The following ARHGEF28 variants were observed in gnomAD, a reference collection of about 807,000 sequenced individuals.
ARHGEF28 encodes Rho guanine nucleotide exchange factor 28, also known as 190 kDa guanine nucleotide exchange factor.
Under a neutral mutation model 206.6 loss-of-function variants are expected in ARHGEF28, and 152 were observed. That is an observed-to-expected ratio of 0.74 (90% CI 0.64 to 0.84). The LOEUF (loss-of-function observed/expected upper bound fraction) is 0.84, where lower values mean the gene tolerates loss of function less well. Among genes scored for constraint, ARHGEF28 ranks in the 40% least tolerant of loss-of-function variants. The pLI, the probability that ARHGEF28 is intolerant of heterozygous loss-of-function variation, is 0.00. For missense variants in ARHGEF28, 2,028 were observed against 2,073.2 expected (o/e 0.98, Z 0.42); for synonymous variants, 763 against 776.4 (o/e 0.98, Z 0.29).
intron 2 of ARHGEF28, among the ~76,000 whole-genome samples, chr5:73,706,493 T>G (rs1748942704): frequency 6.6e-6 from 1 of 152,190 alleles, no homozygotes; most frequent in Non-Finnish European, 1.5e-5. Flanking sequence ...ACAATTAGTT[T>G]GTTTTCTCAC....
intron 1 of ARHGEF28, among the ~76,000 whole-genome samples, chr5:73,628,231 T>C (rs573770241): frequency 6.6e-6 from 1 of 152,278 alleles, no homozygotes; most frequent in East Asian, 1.9e-4. Context: ...CCTCCTTTAG[T>C]ATGCCCCGTG....
intron 4 of ARHGEF28, among the ~76,000 whole-genome samples, chr5:73,766,900 G>T (rs576210856): frequency 6.6e-6 from 1 of 152,292 alleles, no homozygotes; most frequent in South Asian, 2.1e-4. Context: ...TGGTTTGGCT[G>T]TGTCCCCACC....
intron 22 of ARHGEF28, among the ~76,000 whole-genome samples, chr5:73,877,996 G>T (rs1011443890): frequency 3.3e-5 from 5 of 152,114 alleles, no homozygotes; most frequent in Non-Finnish European, 7.4e-5. Flanking sequence ...TTTCTGTCTG[G>T]TTGATCTGTC....
chr5:73,924,940 A>G (rs528334435), intron 35 of ARHGEF28, among the ~76,000 whole-genome samples: 1 of 152,336 alleles, frequency 6.6e-6, no homozygotes, highest in East Asian at 1.9e-4. Context: ...AACTCACTGC[A>G]TGCGGCATAC....
intron 3 of ARHGEF28, among the ~76,000 whole-genome samples, chr5:73,752,506 G>T (rs1752070872): frequency 6.6e-6 from 1 of 152,150 alleles, no homozygotes; most frequent in African/African-American, 2.4e-5. Flanking sequence ...TAAACTTATT[G>T]CTTAAATATG....
At chr5:73,840,434 A>G (rs536772228) in intron 10 of ARHGEF28, 46 bp from the exon 11 acceptor site, 8 of 1,584,740 alleles carry the variant, frequency 5.0e-6, no homozygotes, top group East Asian at 4.5e-5. Flanking sequence ...AGCTAGGCCA[A>G]TCTTACCTGC....
intron 23 of ARHGEF28, among the ~76,000 whole-genome samples, chr5:73,883,537 A>G (rs1761084564): frequency 6.6e-6 from 1 of 152,204 alleles, no homozygotes; most frequent in South Asian, 2.1e-4. Context: ...GAAATTAACT[A>G]CAAATACATC....
Position 73,776,522 on chromosome 5 carries a change from G to C in ARHGEF28, c.666G>C (p.Gln222His). The change falls in exon 6 of 36, where the codon CAG becomes CAC. Residue 222 changes from glutamine (Q) to histidine (H), a missense_variant. Around this residue, in one of 3 missense-constraint regions of ARHGEF28, gnomAD observed 1,002 missense variants for 1,015.3 expected, o/e 0.99. Transcript: ENST00000513042. ...SKLVEDVTNFQGRWSPSFSRV... is the reference protein window; with the variant it reads ...SKLVEDVTNFHGRWSPSFSRV... ...TTGATTTGTGTTGTTTCAGTTTTCA[G>C]GGCAGATGGTCCCCAAGCTTCTCCC... 1 of 1,610,294 alleles carries C rather than the reference G, an allele frequency of 6.2e-7. No homozygotes were observed. The highest frequency in any genetic ancestry group is 8.5e-7 in the Non-Finnish European group (1 of 1,177,634).
chr5:73,886,696 G>A (rs367790262), intron 25 of ARHGEF28, among the ~76,000 whole-genome samples: 2 of 152,106 alleles, frequency 1.3e-5, no homozygotes, highest in South Asian at 4.1e-4. Flanking sequence ...CCTAATCCAG[G>A]CTTTCTCACC....
At chr5:73,832,149 G>T (rs907399469) in intron 9 of ARHGEF28, among the ~76,000 whole-genome samples, 189 bp from the exon 10 acceptor site, 1 of 152,118 alleles carries the variant, frequency 6.6e-6, no homozygotes, top group South Asian at 2.1e-4. Context: ...TTCATCCTAC[G>T]TAAAAATTCT....
chr5:73,864,975 G>A (rs1759621926), intron 17 of ARHGEF28, 103 bp downstream of exon 17: 5 of 1,044,210 alleles, frequency 4.8e-6, no homozygotes. Context: ...TATTTCTAAA[G>A]CGATCATGAT....
intron 2 of ARHGEF28, among the ~76,000 whole-genome samples, chr5:73,710,429 G>C (rs1340940886): frequency 6.6e-6 from 1 of 151,972 alleles, no homozygotes; most frequent in East Asian, 1.9e-4. Flanking sequence ...AGATGTAAGG[G>C]TCCTGGATAC....
intron 9 of ARHGEF28, among the ~76,000 whole-genome samples, chr5:73,823,859 G>C (rs1756739224): frequency 6.6e-6 from 1 of 152,210 alleles, no homozygotes; most frequent in Non-Finnish European, 1.5e-5. Context: ...CCCTTGGGAA[G>C]TTACTTAAAT....
chr5:73,824,316 C>G (rs887136595), intron 9 of ARHGEF28, among the ~76,000 whole-genome samples: 2 of 152,084 alleles, frequency 1.3e-5, no homozygotes, highest in African/African-American at 4.8e-5. Context: ...CTTATCCTAC[C>G]AGGAAGAGCA....
intron 11 of ARHGEF28, 141 bp downstream of exon 11, chr5:73,840,901 TTCA>T: frequency 1.1e-6 from 1 of 933,816 alleles, no homozygotes; most frequent in South Asian, 1.8e-5. Flanking sequence ...GGTTCCTATA[TTCA>T]CTGATTTGAA....
intron 35 of ARHGEF28, among the ~76,000 whole-genome samples, chr5:73,916,374 T>C (rs77584222): frequency 0.012 from 1,899 of 152,302 alleles, 31 homozygotes; most frequent in African/African-American, 0.043. Context: ...ATGTATTTGT[T>C]GACTAGGGCT....
intron 7 of ARHGEF28, among the ~76,000 whole-genome samples, chr5:73,792,705 G>A (rs973012922): frequency 7.3e-5 from 8 of 109,902 alleles, no homozygotes; most frequent in African/African-American, 2.4e-4. Context: ...AATTTTTAGT[G>A]TTTGAGTATA....
At chr5:73,910,700 C>G (rs1762853692) in intron 34 of ARHGEF28, among the ~76,000 whole-genome samples, 1 of 152,164 alleles carries the variant, frequency 6.6e-6, no homozygotes, top group Admixed American at 6.5e-5. Context: ...AGCTTCTTCT[C>G]TCTTTGTAAA....
At position 73,718,515 on chromosome 5, in the gene ARHGEF28, G is replaced by A. The variant is rs535873937; in HGVS notation, c.34-31322G>A. Among the ~76,000 whole-genome samples, 7 of 152,288 alleles carry A rather than the reference G, an allele frequency of 4.6e-5. No homozygotes were observed. In the South Asian group the frequency reaches 1.0e-3, roughly 23 times the overall value. On this transcript the variant is annotated intron_variant, in intron 2 of 35. Transcript: ENST00000513042. ...GAGGTGAGGGATTCCTTGGCTTCAT[G>A]CAGTCCTCAGTGACTCATTCATCTT...
Sources: allele counts gnomAD v4.1 joint callset (sites outside exome capture counted in the v4.1 genomes callset), GRCh38; gene constraint gnomAD v4.1.1; regional missense constraint gnomAD v4.1.1; transcripts MANE v1.5; gene names NCBI Gene and HGNC (gene_info 2026-07-23, HGNC 2026-07-21).